S100A5: variants seen among roughly 807,000 people sequenced by gnomAD.
The protein encoded by S100A5 is protein S100-A5.
Under a neutral mutation model 6.7 loss-of-function variants are expected in S100A5, and 5 were observed. The observed-to-expected ratio is 0.75, with a 90% CI of 0.39 to 1.57. The LOEUF (loss-of-function observed/expected upper bound fraction) is 1.57. Among genes scored for constraint, S100A5 ranks in the 40% most tolerant of loss-of-function variants. The pLI is 0.03. For synonymous variants in S100A5, 49 were observed against 44.9 expected (o/e 1.09, Z -0.37); for missense variants, 129 against 110.8 (o/e 1.16, Z -0.74).
chr1:153,537,514 C>T, intron 2 of S100A5, 78 bp from the exon 3 acceptor site: 3 of 1,562,172 alleles, frequency 1.9e-6, no homozygotes, highest in Non-Finnish European at 1.7e-6. Context: ...GGTGTCATCC[C>T]CACCCCGAAA....
At chr1:153,539,450 A>AAAAAAAAATATATAT (rs1553214691) in intron 2 of S100A5, among the ~76,000 whole-genome samples, 1 of 31,192 alleles carries the variant, frequency 3.2e-5, no homozygotes, top group African/African-American at 1.1e-4. Context: ...AAAAAAAAAA[A>AAAAAAAAATATATAT]ATATATATAT....
chr1:153,541,470 C>G (rs781195007), upstream of S100A5: 13 of 1,367,224 alleles, frequency 9.5e-6, no homozygotes, highest in South Asian at 1.5e-4. Flanking sequence ...TGATCTCTGT[C>G]CCTAGGAATC....
upstream of S100A5, chr1:153,541,405 A>G: frequency 7.3e-7 from 1 of 1,367,866 alleles, no homozygotes; most frequent in South Asian, 1.1e-5. Context: ...GTGAGCCCAG[A>G]GAATCCAAGC....
upstream of S100A5, chr1:153,541,427 C>T (rs765877971): frequency 4.4e-6 from 6 of 1,367,726 alleles, no homozygotes; most frequent in South Asian, 6.8e-5. Flanking sequence ...GCAGGCATAG[C>T]CTCCCTCTCA....
chr1:153,539,436 AAAAAAAAAAAAAAAAT>A (rs1389578057), intron 2 of S100A5, among the ~76,000 whole-genome samples: 11 of 107,858 alleles, frequency 1.0e-4, no homozygotes, highest in African/African-American at 5.3e-4. Flanking sequence ...AAAAAAAAAA[AAAAAAAAAAAAAAAAT>A]ATATATATAT....
intron 2 of S100A5, among the ~76,000 whole-genome samples, chr1:153,539,104 T>C (rs1177708298): frequency 6.6e-6 from 1 of 151,964 alleles, no homozygotes; most frequent in Non-Finnish European, 1.5e-5. Context: ...CACTCTAACC[T>C]GGGTGACAGA....
rs3795393 is a variant in S100A5 at position 153,537,414 on chromosome 1, T to C, written c.161A>G (p.Asp54Gly). The C allele has an allele frequency of 0.075, 121,464 of 1,613,978 alleles. 5,634 individuals are homozygous for C. The highest frequency in any genetic ancestry group is 0.24 in the East Asian group (10,615 of 44,868). ...GTTCTTGTCCAGGCTCTTCATCAAGTCATCGATGCTGCTCTCCTTCATCTT... is the reference window on the plus strand; with the variant it reads ...GTTCTTGTCCAGGCTCTTCATCAAGCCATCGATGCTGCTCTCCTTCATCTT... ...LGEMKESSIDDLMKSLDKNSD... is the reference protein window; with the variant it reads ...LGEMKESSIDGLMKSLDKNSD... Residue 54 changes from aspartate (D) to glycine (G), a missense_variant, in exon 3 of 3, where the codon GAC (aspartate) becomes GGC (glycine). Asp to Gly is a moderately conservative substitution (Grantham distance 94, BLOSUM62 -1). Transcript: ENST00000368717.
At chr1:153,541,764 G>A, upstream of S100A5, 2 of 1,098,082 alleles carry the variant, frequency 1.8e-6, no homozygotes, top group Non-Finnish European at 2.2e-6. Context: ...AGAAGTGTGG[G>A]ACAAACACAG....
intron 2 of S100A5, among the ~76,000 whole-genome samples, chr1:153,539,465 ATATATATATATT>A (rs1211092397): frequency 4.7e-5 from 6 of 126,326 alleles, no homozygotes; most frequent in Middle Eastern, 4.0e-3. Context: ...ATATATATAT[ATATATATATATT>A]TATTTATTTA....
chr1:153,541,646 A>G (rs955529091), upstream of S100A5: 24 of 1,161,152 alleles, frequency 2.1e-5, no homozygotes, highest in Middle Eastern at 7.9e-4. Context: ...CACGTCCCCA[A>G]TCCCAGAAAC....
At chr1:153,543,297 T>C, upstream of S100A5, 1 of 985,374 alleles carries the variant, frequency 1.0e-6, no homozygotes, top group African/African-American at 1.7e-5. Flanking sequence ...TGACCTTCAA[T>C]TCCAGCCTCG....
At chr1:153,541,345 A>C, upstream of S100A5, 1 of 1,347,476 alleles carries the variant, frequency 7.4e-7, no homozygotes, top group Non-Finnish European at 1.0e-6. Context: ...GTGACCCACC[A>C]GATATCAGAT....
rs768022289 is a variant in S100A5 at position 153,539,473 on chromosome 1, ATATT to A, written c.138+577_138+580del. On this transcript the variant is annotated intron_variant, in intron 2 of 2. Coordinates refer to ENST00000368717, the MANE Select transcript of S100A5 (RefSeq NM_001394232.1). ...AAAATATATATATATATATATATATATATTTATTTATTTATTTATCCTCGGGGAT... is the reference window on the plus strand; with the variant it reads ...AAAATATATATATATATATATATATATATTTATTTATTTATCCTCGGGGAT... Among the ~76,000 whole-genome samples the A allele has an allele frequency of 5.6e-3, 640 of 115,068 alleles. 25 individuals are homozygous for A. Among genetic ancestry groups the A allele is most frequent in the African/African-American group, 0.025 (572 of 22,614 alleles). 75.5% of individuals were successfully genotyped at this position (115,068 alleles called of 152,430 possible).
chr1:153,537,277 G>T lies in S100A5; in HGVS notation c.*19C>A. Reference sequence around the variant, plus strand: ...GTCAGCAGCAAAGGGTGGAGGGTGAGGGTGGAGGGCAGCCCTGGTCACTTG... The same window carrying T: ...GTCAGCAGCAAAGGGTGGAGGGTGATGGTGGAGGGCAGCCCTGGTCACTTG... On this transcript the variant is annotated 3_prime_UTR_variant, in exon 3 of 3. Transcript: ENST00000368717. 1 of 1,607,726 alleles carries T rather than the reference G, an allele frequency of 6.2e-7. No individual in the cohort carries two copies. The highest frequency in any genetic ancestry group is 8.5e-7 in the Non-Finnish European group (1 of 1,174,854).
At chr1:153,541,211 AC>A (rs1219555422), upstream of S100A5, among the ~76,000 whole-genome samples, 1 of 151,836 alleles carries the variant, frequency 6.6e-6, no homozygotes, top group Non-Finnish European at 1.5e-5. Context: ...CCCCACCTCC[AC>A]CCCAGAGCCA....
At position 153,537,323 on chromosome 1, in the gene S100A5, G is replaced by C. The variant is rs777059589; in HGVS notation, c.252C>G (p.Asn84Lys). The part of the protein sequence containing the change: ...VFLTMLCMAY[N>K]DFFLEDNK ...ACTTGTTGTCCTCTAGAAAGAAGTC[G>C]TTGTAGGCCATGCACAGCATGGTCA... The change falls in exon 3 of 3, where the codon AAC (asparagine) becomes AAG (lysine). Residue 84 changes from asparagine to lysine, a missense_variant. By Grantham distance (94) the Asn-to-Lys change is moderately conservative. Transcript: ENST00000368717. The C allele has an allele frequency of 6.2e-7, 1 of 1,614,122 alleles. No homozygotes were observed. The highest frequency in any genetic ancestry group is 8.5e-7 in the Non-Finnish European group (1 of 1,179,970).
upstream of S100A5, chr1:153,541,946 T>C (rs1181066089): frequency 4.2e-6 from 4 of 958,418 alleles, no homozygotes; most frequent in South Asian, 4.8e-5. Context: ...CCAGAGGTTT[T>C]TAAAGGGCTT....
In S100A5 at chr1:153,540,057, C is replaced by T; in HGVS notation, c.135G>A (p.Gly45=). ...KELIKKELCL[G]EMKESSIDDL... is the part of the protein sequence containing the mutation. ...GGATGAGGGAACAATCACCTACCTC[C>T]CCAAGACACAGCTCTTTCTTGATCA... The change falls in exon 2 of 3, where the codon GGG becomes GGA. Residue 45 remains glycine, a synonymous_variant. Coordinates refer to ENST00000368717, the MANE Select transcript of S100A5 (RefSeq NM_001394232.1). The T allele has an allele frequency of 1.9e-6, 3 of 1,614,050 alleles. No individual in the cohort carries two copies. Among genetic ancestry groups the T allele is most frequent in the South Asian group, 1.1e-5 (1 of 91,072 alleles).
chr1:153,539,915 C>G (rs528703286), intron 2 of S100A5, 139 bp downstream of exon 2: 15 of 993,038 alleles, frequency 1.5e-5, no homozygotes, highest in Middle Eastern at 2.9e-4. Context: ...CCGAAATCCC[C>G]ACCATCTTCC....
Sources: gnomAD v4.1 joint callset for allele counts (sites outside exome capture counted in the v4.1 genomes callset) on GRCh38, gnomAD v4.1.1 for gene constraint, MANE v1.5 for transcripts, NCBI Gene and HGNC (gene_info 2026-07-23, HGNC 2026-07-21) for gene names.